The following CNTNAP2 variants were observed in gnomAD, a reference collection of about 807,000 sequenced individuals.
The protein encoded by CNTNAP2 is contactin associated protein 2, also known as contactin-associated protein-like 2.
A neutral mutation model predicts 155.2 loss-of-function variants in CNTNAP2; 98 were observed. The observed-to-expected ratio is 0.63, with a 90% CI of 0.54 to 0.75. CNTNAP2 has a LOEUF of 0.75. CNTNAP2 is among the 30% of genes least tolerant of loss of function. CNTNAP2 has a pLI of 0.00. For missense variants in CNTNAP2, 1,727 were observed against 1,688.1 expected (o/e 1.02, Z -0.40); for synonymous variants, 651 against 631.2 (o/e 1.03, Z -0.47).
chr7:146,851,592 C>T (rs945443254), intron 3 of CNTNAP2, among the ~76,000 whole-genome samples: 5 of 151,870 alleles, frequency 3.3e-5, no homozygotes, highest in African/African-American at 1.2e-4. Context: ...CTCCAGGACT[C>T]TCTCCTTGGC....
intron 8 of CNTNAP2, among the ~76,000 whole-genome samples, chr7:147,213,955 C>G (rs1483539471): frequency 6.6e-6 from 1 of 152,068 alleles, no homozygotes; most frequent in Non-Finnish European, 1.5e-5. Context: ...TTGTGCTTAT[C>G]CTCGTCCTCA....
intron 1 of CNTNAP2, among the ~76,000 whole-genome samples, chr7:146,124,554 T>C (rs1056661581): frequency 6.6e-6 from 1 of 152,210 alleles, no homozygotes; most frequent in African/African-American, 2.4e-5. Context: ...ATTAAGTACG[T>C]GTTAAATAAT....
At chr7:146,576,517 GTCC>G (rs1208132398) in intron 1 of CNTNAP2, among the ~76,000 whole-genome samples, 1 of 152,088 alleles carries the variant, frequency 6.6e-6, no homozygotes, top group Non-Finnish European at 1.5e-5. Flanking sequence ...TACTTCAGGA[GTCC>G]TCCTCCCCTG....
rs142766488 is a variant in CNTNAP2, at chr7:146,948,878, A to G, written c.403-95029A>G. Among the ~76,000 whole-genome samples, 284 of 152,278 alleles carry G rather than the reference A, an allele frequency of 1.9e-3. 3 individuals carry two copies. The highest frequency in any genetic ancestry group is 6.0e-3 in the African/African-American group (249 of 41,560). On this transcript the variant is annotated intron_variant, in intron 3 of 23. Coordinates refer to ENST00000361727, the MANE Select transcript of CNTNAP2 (RefSeq NM_014141.6). ...TCATTATGCAACCTCACACTGTGTA[A>G]TTCATGTAGCAATGCTGTATAGACT...
chr7:146,170,513 T>C (rs1798374746), intron 1 of CNTNAP2, among the ~76,000 whole-genome samples: 1 of 78,558 alleles, frequency 1.3e-5, no homozygotes, highest in African/African-American at 7.7e-5. Context: ...TATCACTAGT[T>C]TTTTTTTTAC....
intron 15 of CNTNAP2, among the ~76,000 whole-genome samples, chr7:147,992,116 A>G (rs1215925763): frequency 2.9e-5 from 2 of 69,412 alleles, no homozygotes; most frequent in Non-Finnish European, 4.5e-5. Context: ...TTTTTTTGAG[A>G]CAGAGTCTCG....
At chr7:146,807,008 A>T (rs929151882) in intron 2 of CNTNAP2, among the ~76,000 whole-genome samples, 4 of 152,188 alleles carry the variant, frequency 2.6e-5, no homozygotes, top group Non-Finnish European at 5.9e-5. Context: ...GCAACATAAG[A>T]CTGCCCCTTA....
intron 1 of CNTNAP2, among the ~76,000 whole-genome samples, chr7:146,703,788 A>G (rs1800917405): frequency 6.6e-6 from 1 of 152,106 alleles, no homozygotes; most frequent in Non-Finnish European, 1.5e-5. Flanking sequence ...TAATAACATC[A>G]CATTGGGGAT....
At chr7:147,765,414 T>C (rs1287050755) in intron 13 of CNTNAP2, among the ~76,000 whole-genome samples, 1 of 152,194 alleles carries the variant, frequency 6.6e-6, no homozygotes, top group Non-Finnish European at 1.5e-5. Context: ...GTTTTCTGGC[T>C]GCTTTGTCCA....
chr7:148,155,534 A>T (rs1805383639), intron 17 of CNTNAP2, among the ~76,000 whole-genome samples: 1 of 152,176 alleles, frequency 6.6e-6, no homozygotes, highest in Non-Finnish European at 1.5e-5. Flanking sequence ...GTAAACTTTC[A>T]CAACTTGGAG....
At chr7:146,530,241 A>G (rs1443591464) in intron 1 of CNTNAP2, among the ~76,000 whole-genome samples, 1 of 152,186 alleles carries the variant, frequency 6.6e-6, no homozygotes, top group Non-Finnish European at 1.5e-5. Flanking sequence ...AAGATGGATT[A>G]AAGATGTAAA....
intron 4 of CNTNAP2, among the ~76,000 whole-genome samples, chr7:147,092,366 A>G (rs1800425446): frequency 6.6e-6 from 1 of 152,218 alleles, no homozygotes; most frequent in African/African-American, 2.4e-5. Context: ...TAATATTTCC[A>G]ATATCTCAGG....
chr7:147,776,479 GCA>G (rs1797587949), intron 13 of CNTNAP2, among the ~76,000 whole-genome samples: 2 of 152,150 alleles, frequency 1.3e-5, no homozygotes, highest in Non-Finnish European at 2.9e-5. Flanking sequence ...GGCTGCCCAT[GCA>G]CACACGTGGA....
intron 8 of CNTNAP2, among the ~76,000 whole-genome samples, chr7:147,135,747 TAA>T (rs1801465071): frequency 6.6e-6 from 1 of 150,888 alleles, no homozygotes; most frequent in Non-Finnish European, 1.5e-5. Flanking sequence ...TGCACTATGA[TAA>T]GTGTGATATT....
intron 18 of CNTNAP2, among the ~76,000 whole-genome samples, chr7:148,178,297 A>C (rs1794981541): frequency 6.6e-6 from 1 of 152,210 alleles, no homozygotes; most frequent in Admixed American, 6.5e-5. Context: ...AATCACTCTG[A>C]AACCATTTTC....
At chr7:146,652,101 C>A (rs1190866895) in intron 1 of CNTNAP2, among the ~76,000 whole-genome samples, 1 of 152,008 alleles carries the variant, frequency 6.6e-6, no homozygotes, top group African/African-American at 2.4e-5. Context: ...TCCCAAAATG[C>A]TTCCAAAACA....
At chr7:148,050,576 T>C (rs957329227) in intron 15 of CNTNAP2, among the ~76,000 whole-genome samples, 1 of 152,152 alleles carries the variant, frequency 6.6e-6, no homozygotes, top group African/African-American at 2.4e-5. Flanking sequence ...CTAATGTGTA[T>C]TAAAGAAAAG....
intron 13 of CNTNAP2, among the ~76,000 whole-genome samples, chr7:147,739,822 CAT>C (rs999020502): frequency 4.0e-5 from 6 of 151,550 alleles, no homozygotes; most frequent in South Asian, 2.1e-4. Context: ...TTATATATTT[CAT>C]ATATATATAA....
chr7:147,560,456 A>G (rs1378413858), intron 11 of CNTNAP2, among the ~76,000 whole-genome samples: 2 of 152,096 alleles, frequency 1.3e-5, no homozygotes, highest in African/African-American at 4.8e-5. Flanking sequence ...ACTTGGTATG[A>G]CATTCTGAAT....
Sources: gnomAD v4.1 joint callset for allele counts (sites outside exome capture counted in the v4.1 genomes callset) on GRCh38, gnomAD v4.1.1 for gene constraint, MANE v1.5 for transcripts, NCBI Gene and HGNC (gene_info 2026-07-23, HGNC 2026-07-21) for gene names.